WIPF1: variants seen among roughly 807,000 people sequenced by gnomAD.
WIPF1 encodes the protein WAS/WASL-interacting protein family member 1.
Under a neutral mutation model 35.4 loss-of-function variants are expected in WIPF1, and 13 were observed. The ratio of observed to expected loss-of-function variants is 0.37; its 90% CI spans 0.24 to 0.58. The LOEUF (loss-of-function observed/expected upper bound fraction) is 0.58. Ranked by LOEUF, WIPF1 falls within the 20% of genes least tolerant of loss-of-function variation. The pLI, the probability that WIPF1 is intolerant of heterozygous loss-of-function variation, is 0.74. For missense variants in WIPF1, 591 were observed against 667.0 expected, an observed-to-expected ratio of 0.89 and a Z score of 1.25; for synonymous variants, 267 against 266.3, an observed-to-expected ratio of 1.00 and a Z score of -0.02.
chr2:174,585,163 G>C (rs138736069), intron 2 of WIPF1, among the ~76,000 whole-genome samples: 1 of 152,192 alleles, frequency 6.6e-6, no homozygotes, highest in Non-Finnish European at 1.5e-5. Context: ...CAGCCCAGAA[G>C]TTAAAGGCCA....
chr2:174,575,085 T>C, intron 4 of WIPF1, 119 bp downstream of exon 4: 6 of 1,142,952 alleles, frequency 5.2e-6, no homozygotes, highest in Non-Finnish European at 7.7e-6. Context: ...AGTGGTAATA[T>C]TTAAAACAAT....
Position 174,561,976 on chromosome 2 carries a change from A to T in WIPF1, c.*571T>A. On this transcript the variant is annotated 3_prime_UTR_variant, in exon 8 of 8. Coordinates refer to ENST00000679041, the MANE Select transcript of WIPF1 (RefSeq NM_001375834.1). ...CATATTAACTTCACTTGTTTAAAAT[A>T]TATTAGAAATGTAAAAATTGTATAT... 7.6e-7 allele frequency: 1 copy of T among 1,321,884 alleles called. No homozygotes were observed. The highest frequency in any genetic ancestry group is 1.0e-6 in the Non-Finnish European group (1 of 960,714). 81.9% of individuals were successfully genotyped at this position (1,321,884 alleles called of 1,614,324 possible). A position where few individuals can be genotyped will look rare whatever the true frequency, so the allele number is the denominator to read the frequency against.
chr2:174,581,684 GAAA>G (rs1685246401), intron 2 of WIPF1, among the ~76,000 whole-genome samples: 1 of 152,184 alleles, frequency 6.6e-6, no homozygotes, highest in South Asian at 2.1e-4. Context: ...TAAAGTCTCT[GAAA>G]ATTCAGACCA....
intron 1 of WIPF1, among the ~76,000 whole-genome samples, chr2:174,642,952 C>T (rs1687330189): frequency 6.7e-6 from 1 of 149,398 alleles, no homozygotes. Context: ...AGTCCTATTC[C>T]ACACATTTTG....
In WIPF1 at chr2:174,589,128, C is replaced by T. The variant is rs1420300755; in HGVS notation, c.-38-3517G>A. 3.3e-5 allele frequency among the ~76,000 whole-genome samples: 5 copies of T among 152,230 alleles called. No homozygotes were observed. The South Asian group carries it at 6.2e-4, about 19-fold the overall frequency. ...CTCACTCAGCCCCTGGATCAAAGACCAAGCTCGTGTGCCCCAACACTGGGC... is the reference window on the plus strand; with the variant it reads ...CTCACTCAGCCCCTGGATCAAAGACTAAGCTCGTGTGCCCCAACACTGGGC... On this transcript the variant is annotated intron_variant, in intron 1 of 7. Transcript: ENST00000679041.
At chr2:174,640,712 T>C (rs1687278990) in intron 1 of WIPF1, among the ~76,000 whole-genome samples, 1 of 151,782 alleles carries the variant, frequency 6.6e-6, no homozygotes, top group South Asian at 2.1e-4. Context: ...GCTGCACCCA[T>C]TAACTCGTCA....
At chr2:174,580,448 C>T (rs1685198405) in intron 3 of WIPF1, among the ~76,000 whole-genome samples, 1 of 152,188 alleles carries the variant, frequency 6.6e-6, no homozygotes, top group Non-Finnish European at 1.5e-5. Flanking sequence ...CACTTCTAAT[C>T]CTTTACTTTG....
At chr2:174,648,647 G>A (rs1320825716) in intron 1 of WIPF1, among the ~76,000 whole-genome samples, 1 of 152,194 alleles carries the variant, frequency 6.6e-6, no homozygotes, top group Non-Finnish European at 1.5e-5. Context: ...AAAGCATGCT[G>A]AGATTTCTAG....
At chr2:174,658,676 G>C (rs1687694590) in intron 1 of WIPF1, among the ~76,000 whole-genome samples, 1 of 152,016 alleles carries the variant, frequency 6.6e-6, no homozygotes. Flanking sequence ...CTTGAAATGG[G>C]TAAAACAGTG....
chr2:174,607,231 G>A (rs897228022), intron 1 of WIPF1, among the ~76,000 whole-genome samples: 5 of 152,036 alleles, frequency 3.3e-5, no homozygotes, highest in African/African-American at 9.6e-5. Flanking sequence ...GTGAAACCCC[G>A]TCTCTATTAA....
chr2:174,671,113 T>C lies in WIPF1; in HGVS notation c.-39+11661A>G, dbSNP rs139290401. 1.4e-4 allele frequency among the ~76,000 whole-genome samples: 22 copies of C among 152,330 alleles called. No homozygotes were observed. In the East Asian group the frequency reaches 4.2e-3, roughly 29 times the overall value. On this transcript the variant is annotated intron_variant, in intron 1 of 8. Coordinates refer to the WIPF1 transcript ENST00000272746. ...CAACTGTGTGTGATAGATTGTTGCATGAAGTCAGGGACCCCGAATGGAGGG... is the reference window on the plus strand; with the variant it reads ...CAACTGTGTGTGATAGATTGTTGCACGAAGTCAGGGACCCCGAATGGAGGG...
intron 1 of WIPF1, among the ~76,000 whole-genome samples, chr2:174,624,183 T>C (rs1326430405): frequency 2.6e-5 from 4 of 152,200 alleles, no homozygotes; most frequent in African/African-American, 7.2e-5. Flanking sequence ...TCTGGGCAGG[T>C]GGTCACCAAC....
chr2:174,631,052 A>C (rs1444978820), intron 1 of WIPF1, among the ~76,000 whole-genome samples: 1 of 152,236 alleles, frequency 6.6e-6, no homozygotes, highest in African/African-American at 2.4e-5. Context: ...ATAAGAAGAC[A>C]CAATTGCTGG....
At chr2:174,639,327 C>A (rs890756611) in intron 1 of WIPF1, among the ~76,000 whole-genome samples, 6 of 152,206 alleles carry the variant, frequency 3.9e-5, no homozygotes, top group African/African-American at 1.4e-4. Context: ...ATGATCATAG[C>A]TCACTGCAGC....
intron 1 of WIPF1, among the ~76,000 whole-genome samples, chr2:174,593,297 G>A (rs577557748): frequency 6.6e-6 from 1 of 152,084 alleles, no homozygotes; most frequent in South Asian, 2.1e-4. Flanking sequence ...AATATTAACA[G>A]AACAAAATTT....
intron 1 of WIPF1, among the ~76,000 whole-genome samples, chr2:174,651,052 A>G (rs1687523684): frequency 6.6e-6 from 1 of 152,164 alleles, no homozygotes; most frequent in Non-Finnish European, 1.5e-5. Context: ...TCTCCACACA[A>G]CTTCTCGGAA....
chr2:174,565,892 TA>T (rs1451212539), intron 7 of WIPF1, among the ~76,000 whole-genome samples: 6 of 137,106 alleles, frequency 4.4e-5, no homozygotes, highest in Non-Finnish European at 1.0e-4. Flanking sequence ...TTTTTATTTT[TA>T]TTTTTTTTGA....
chr2:174,567,126 G>T lies in WIPF1; in HGVS notation c.1400C>A (p.Pro467Gln). 3 of 1,614,202 alleles carry T rather than the reference G, an allele frequency of 1.9e-6. No individual in the cohort carries two copies. The highest frequency in any genetic ancestry group is 2.5e-6 in the Non-Finnish European group (3 of 1,180,044). The change falls in exon 7 of 8, where the codon CCA becomes CAA. Residue 467 changes from proline to glutamine, a missense_variant. Around this residue, in one of 3 missense-constraint regions of WIPF1, gnomAD observed 117 missense variants for 149.6 expected, o/e 0.78. Transcript: ENST00000679041. ...ATAACTTTTGGTCGTTTGTACATAT[G>T]GCTCTGGAGGTGGCAAATCGGAAAT... Reference protein sequence around the residue: ...HPISDLPPPEPYVQTTKSYPS... With the variant: ...HPISDLPPPEQYVQTTKSYPS...
rs915607114 is a variant in WIPF1, at chr2:174,559,820, A to G, written c.*2727T>C. Reference sequence around the variant, plus strand: ...ATCCCATTTCTGCTACTAAAATAACAAAACTGGTATTACACTTTAAAATAT... The same window carrying G: ...ATCCCATTTCTGCTACTAAAATAACGAAACTGGTATTACACTTTAAAATAT... On this transcript the variant is annotated 3_prime_UTR_variant, in exon 8 of 8. Coordinates refer to ENST00000679041, the MANE Select transcript of WIPF1 (RefSeq NM_001375834.1). 2 of 152,640 alleles carry G rather than the reference A, an allele frequency of 1.3e-5. No individual in the cohort carries two copies. Among genetic ancestry groups the G allele is most frequent in the Non-Finnish European group, 2.9e-5 (2 of 68,022 alleles). 9.5% of individuals were successfully genotyped at this position (152,640 alleles called of 1,614,324 possible).
Sources: gnomAD v4.1 joint callset for allele counts (sites outside exome capture counted in the v4.1 genomes callset) on GRCh38, gnomAD v4.1.1 for gene constraint, gnomAD v4.1.1 regional missense constraint, MANE v1.5 for transcripts, NCBI Gene and HGNC (gene_info 2026-07-23, HGNC 2026-07-21) for gene names.